ACADM: variants seen among roughly 807,000 people sequenced by gnomAD.
The protein encoded by ACADM is medium-chain specific acyl-CoA dehydrogenase, mitochondrial.
In ACADM, 49 loss-of-function variants were observed where a neutral mutation model predicts 58.9. That is an observed-to-expected ratio of 0.83 (90% confidence interval 0.66 to 1.06). The LOEUF (loss-of-function observed/expected upper bound fraction) is 1.06, where lower values mean the gene tolerates loss of function less well. Among genes scored for constraint, ACADM ranks in the 50% least tolerant of loss-of-function variants. The probability of loss-of-function intolerance (pLI) is 0.00; values close to 1 mark genes in which losing one functional copy is unlikely to be tolerated. For missense variants in ACADM, 496 were observed against 507.0 expected (o/e 0.98, Z 0.21); for synonymous variants, 160 against 157.7 (o/e 1.01, Z -0.11).
At chr1:75,762,636 A>C in intron 11 of ACADM, 56 bp from the exon 12 acceptor site, 13 of 1,128,086 alleles carry the variant, frequency 1.2e-5, no homozygotes, top group Non-Finnish European at 1.7e-5. Context: ...ATGTTGAATA[A>C]ATCAAAGTAT....
At chr1:75,750,717 A>T in intron 10 of ACADM, 171 bp downstream of exon 10, 1 of 656,232 alleles carries the variant, frequency 1.5e-6, no homozygotes, top group Non-Finnish European at 2.7e-6. Context: ...GTGTGCCACT[A>T]TTGGTTACTT....
At chr1:75,761,615 ATTTC>A (rs1557467295) in intron 11 of ACADM, 2 of 488,836 alleles carry the variant, frequency 4.1e-6, no homozygotes, top group Non-Finnish European at 3.6e-6. Flanking sequence ...TTTGGATTAG[ATTTC>A]TTTGAGTTTT....
In ACADM at chr1:75,749,453, G is replaced by C. The variant is rs1035989817; in HGVS notation, c.743G>C (p.Arg248Thr). 2 of 1,613,938 alleles carry C rather than the reference G, an allele frequency of 1.2e-6. No individual in the cohort carries two copies. The highest frequency in any genetic ancestry group is 2.7e-5 in the African/African-American group (2 of 74,920). The change falls in exon 9 of 12, where the codon AGA becomes ACA. Residue 248 changes from arginine to threonine, a missense_variant. Coordinates refer to ENST00000370841, the MANE Select transcript of ACADM (RefSeq NM_000016.6). ...LNMGQRCSDT[R>T]GIVFEDVKVP... is the part of the protein sequence containing the mutation. ...ATGGGCCAGCGATGTTCAGATACTA[G>C]AGGAATTGTCTTCGAAGATGTGAAA...
chr1:75,726,281 T>C (rs1429405215), intron 1 of ACADM, among the ~76,000 whole-genome samples: 1 of 151,290 alleles, frequency 6.6e-6, no homozygotes, highest in Non-Finnish European at 1.5e-5. Context: ...TGGTAGCATA[T>C]GCCTGTAATC....
intron 6 of ACADM, 111 bp downstream of exon 6, chr1:75,734,982 C>G: frequency 1.2e-6 from 1 of 829,804 alleles, no homozygotes; most frequent in South Asian, 1.5e-5. Flanking sequence ...TGAAACAAAA[C>G]TTAGCAACAT....
chr1:75,763,484 A>G lies in ACADM; in HGVS notation c.*721A>G, dbSNP rs1648957494. 2 of 152,182 alleles carry G rather than the reference A, an allele frequency of 1.3e-5. No individual in the cohort carries two copies. Among genetic ancestry groups the G allele is most frequent in the African/African-American group, 4.8e-5 (2 of 41,444 alleles). The allele number at this position is 152,182 out of a possible 1,614,324, so 9.4% of individuals were successfully genotyped here. On this transcript the variant is annotated 3_prime_UTR_variant, in exon 12 of 12. Transcript: ENST00000370841. Reference sequence around the variant, plus strand: ...GGCAAAGAACTTAATAAAATTGTTCAGTGCTTATTATCATATCTTTCTGTA... The same window carrying G: ...GGCAAAGAACTTAATAAAATTGTTCGGTGCTTATTATCATATCTTTCTGTA...
At chr1:75,754,281 C>A (rs1427793587) in intron 10 of ACADM, among the ~76,000 whole-genome samples, 2 of 150,164 alleles carry the variant, frequency 1.3e-5, no homozygotes, top group Non-Finnish European at 3.0e-5. Context: ...GATCTCTGCT[C>A]CCTGCAACCT....
intron 8 of ACADM, 117 bp from the exon 9 acceptor site, chr1:75,749,302 C>T (rs920107321): frequency 1.9e-6 from 2 of 1,035,780 alleles, no homozygotes; most frequent in African/African-American, 3.2e-5. Flanking sequence ...GCATTGCAGA[C>T]TACAGTTTGT....
chr1:75,751,183 T>TA (rs1278875269), intron 10 of ACADM, among the ~76,000 whole-genome samples: 1 of 150,610 alleles, frequency 6.6e-6, no homozygotes, highest in Non-Finnish European at 1.5e-5. Context: ...CTACTAAAAA[T>TA]ACAAAAATTA....
chr1:75,745,565 A>C (rs1287795434), intron 7 of ACADM: 4 of 519,360 alleles, frequency 7.7e-6, no homozygotes, highest in African/African-American at 1.9e-5. Context: ...GAAACCACAG[A>C]AAGTGAAACC....
rs1396473086 is a variant in ACADM, at chr1:75,734,778, T to A, written c.388-13T>A. On this transcript the variant is annotated splice_polypyrimidine_tract_variant and intron_variant, in intron 5 of 11. Coordinates refer to ENST00000370841, the MANE Select transcript of ACADM (RefSeq NM_000016.6). The stretch of plus-strand genomic sequence containing the variant: ...AAATGACTTGATTTTTTAATGTCAA[T>A]TTTCTTCGGTAGCAAATGCCTATTA... The A allele has an allele frequency of 6.2e-7, 1 of 1,603,810 alleles. No homozygotes were observed. The highest frequency in any genetic ancestry group is 8.5e-7 in the Non-Finnish European group (1 of 1,171,230).
At chr1:75,726,537 G>C (rs556937590) in intron 1 of ACADM, among the ~76,000 whole-genome samples, 57 of 152,302 alleles carry the variant, frequency 3.7e-4, no homozygotes, top group Non-Finnish European at 5.4e-4. Flanking sequence ...CTAACAGAAA[G>C]ATCAGTATAG....
chr1:75,762,685 C>T lies in ACADM; in HGVS notation c.1195-7C>T, dbSNP rs769348186. On this transcript the variant is annotated splice_region_variant and splice_polypyrimidine_tract_variant and intron_variant, in intron 11 of 11. Coordinates refer to ENST00000370841, the MANE Select transcript of ACADM (RefSeq NM_000016.6). ...ATATTTAACCTACACTTATATTTTT[C>T]TTGCAGATTTATGAAGGTACTTCAC... is the stretch of plus-strand genomic sequence containing the variant. 5 of 1,574,664 alleles carry T rather than the reference C, an allele frequency of 3.2e-6. No individual in the cohort carries two copies.
chr1:75,746,268 T>C (rs1309011330), intron 8 of ACADM, among the ~76,000 whole-genome samples: 1 of 152,186 alleles, frequency 6.6e-6, no homozygotes, highest in African/African-American at 2.4e-5. Context: ...CAGCAACCTT[T>C]TGGTAGGATA....
chr1:75,744,913 T>C (rs1647807027), intron 7 of ACADM: 2 of 345,366 alleles, frequency 5.8e-6, no homozygotes, highest in Non-Finnish European at 1.1e-5. Context: ...AGGCATAGAC[T>C]GTCTTGTTGT....
At chr1:75,751,250 G>A (rs1226478028) in intron 10 of ACADM, among the ~76,000 whole-genome samples, 2 of 151,240 alleles carry the variant, frequency 1.3e-5, no homozygotes, top group African/African-American at 4.8e-5. Flanking sequence ...TGAGGCAGGA[G>A]GATGGCGTGA....
At chr1:75,746,993 T>A (rs1423431521) in intron 8 of ACADM, among the ~76,000 whole-genome samples, 1 of 152,212 alleles carries the variant, frequency 6.6e-6, no homozygotes, top group Non-Finnish European at 1.5e-5. Flanking sequence ...TGCTATATTT[T>A]CAATCAGATA....
chr1:75,761,361 A>C lies in ACADM; in HGVS notation c.1185A>C (p.Lys395Asn). 1 of 1,613,944 alleles carries C rather than the reference A, an allele frequency of 6.2e-7. No homozygotes were observed. The highest frequency in any genetic ancestry group is 1.1e-5 in the South Asian group (1 of 91,082). The change falls in exon 11 of 12, where the codon AAA becomes AAC. Residue 395 changes from lysine to asparagine, a missense_variant. Transcript: ENST00000370841. ...YPVEKLMRDAKIYQIYEGTSQ... is the reference protein window; with the variant it reads ...YPVEKLMRDANIYQIYEGTSQ... ...TAGAAAAACTAATGAGGGATGCCAA[A>C]ATCTATCAGGTAAGGTTAAAGATGA...
intron 8 of ACADM, 85 bp downstream of exon 8, chr1:75,745,999 AT>A: frequency 1.1e-6 from 1 of 927,592 alleles, no homozygotes; most frequent in Non-Finnish European, 1.7e-6. Context: ...TAATAAAAAC[AT>A]TTGTTTGTAT....
Sources: allele counts gnomAD v4.1 joint callset (sites outside exome capture counted in the v4.1 genomes callset), GRCh38; gene constraint gnomAD v4.1.1; transcripts MANE v1.5; gene names NCBI Gene and HGNC (gene_info 2026-07-23, HGNC 2026-07-21).